LRIT2: variants seen among roughly 807,000 people sequenced by gnomAD.
LRIT2 encodes leucine rich repeat, Ig-like and transmembrane domains 2, also known as leucine-rich repeat, immunoglobulin-like domain and transmembrane domain-containing protein 2.
In LRIT2, 23 loss-of-function variants were observed where a neutral mutation model predicts 22.4. The observed-to-expected ratio is 1.03, with a 90% CI of 0.74 to 1.45. The LOEUF is 1.45. LRIT2 is among the 40% of genes most tolerant of loss of function. LRIT2 has a pLI of 0.00. For synonymous variants in LRIT2, 291 were observed against 267.1 expected, an observed-to-expected ratio of 1.09 and a Z score of -0.87; for missense variants, 784 against 665.6, an observed-to-expected ratio of 1.18 and a Z score of -1.96.
chr10:84,222,353 TC>T lies in LRIT2; in HGVS notation c.1219del (p.Glu407ArgfsTer29). 6.2e-7 allele frequency: 1 copy of T among 1,614,060 alleles called. No homozygotes were observed. The highest frequency in any genetic ancestry group is 8.5e-7 in the Non-Finnish European group (1 of 1,180,024). On this transcript the variant is annotated frameshift_variant, in exon 3 of 3. Coordinates refer to ENST00000372113, the MANE Select transcript of LRIT2 (RefSeq NM_001017924.5). LOFTEE classifies it low-confidence loss of function (END_TRUNC). ...GATTCCGGGGCCAATGTGAACCACC[TC>T]CTTCCTGAAGGCTTCATCCGATGCA... ...YIASDEAFRK[E>X]VVHIGPGINT...
upstream of LRIT2, chr10:84,225,586 T>TC: frequency 1.3e-6 from 2 of 1,546,720 alleles, no homozygotes; most frequent in Non-Finnish European, 1.7e-6. Context: ...GAGTGGCAAA[T>TC]CCTATTATTG....
rs1048003473 is a variant in LRIT2, at chr10:84,221,436, T to A, written c.*484A>T. ...CAGGCATTCAAGGAAACGATGGAAC[T>A]GGAACCTCTTTTGAATGGGGCTTCT... On this transcript the variant is annotated 3_prime_UTR_variant, in exon 3 of 3. Transcript: ENST00000372113. 2.6e-5 allele frequency: 4 copies of A among 152,516 alleles called. No homozygotes were observed. Among genetic ancestry groups the A allele is most frequent in the African/African-American group, 9.6e-5 (4 of 41,472 alleles). The allele number at this position is 152,516 out of a possible 1,614,324, so 9.4% of individuals were successfully genotyped here. A position where few individuals can be genotyped will look rare whatever the true frequency, so the allele number is the denominator to read the frequency against.
In LRIT2 at chr10:84,222,520, A is replaced by AT. The variant is rs1842521614; in HGVS notation, c.1052dup (p.His351GlnfsTer4). ...AGGGGATGGAAAGAGAATCAGGTGC[A>AT]TGTAGGGCCTGGGCAGGCTGGACAT... On this transcript the variant is annotated frameshift_variant, in exon 3 of 3. Transcript: ENST00000372113. LOFTEE classifies it low-confidence loss of function (END_TRUNC). 1 of 1,613,934 alleles carries AT rather than the reference A, an allele frequency of 6.2e-7. No individual in the cohort carries two copies.
At chr10:84,222,730 T>A (rs1842525010) in intron 2 of LRIT2, 50 bp from the exon 3 acceptor site, 2 of 1,604,496 alleles carry the variant, frequency 1.2e-6, no homozygotes, top group Non-Finnish European at 8.5e-7. Flanking sequence ...GATAGACTGC[T>A]GGAAAGTGTC....
At position 84,222,611 on chromosome 10, in the gene LRIT2, T is replaced by C. The variant is rs1253572394; in HGVS notation, c.962A>G (p.Asp321Gly). The stretch of plus-strand genomic sequence containing the variant: ...GGCCATGCAGGTGTAATTACCACTG[T>C]CTACCAGGTGGGCAGCAGGTATGGC... ...ELAIPAAHLVDSGNYTCMASN... is the reference protein window; with the variant it reads ...ELAIPAAHLVGSGNYTCMASN... The change falls in exon 3 of 3, where the codon GAC (aspartate) becomes GGC (glycine). Residue 321 changes from aspartate to glycine, a missense_variant. Asp to Gly is a moderately conservative substitution (Grantham distance 94, BLOSUM62 -1). Transcript: ENST00000372113. 3.7e-6 allele frequency: 6 copies of C among 1,613,932 alleles called. No homozygotes were observed. Among genetic ancestry groups the C allele is most frequent in the Non-Finnish European group, 4.2e-6 (5 of 1,179,998 alleles).
In LRIT2 at chr10:84,224,703, C is replaced by T. The variant is rs550705072; in HGVS notation, c.522G>A (p.Trp174Ter). The change falls in exon 2 of 3, where the codon TGG (tryptophan) becomes TGA (stop). Residue 174 changes from tryptophan to a stop codon, truncating the protein, a stop_gained. Transcript: ENST00000372113. LOFTEE classifies it high-confidence loss of function. Reference sequence around the variant, plus strand: ...GCTGCCGGCATTTCTGGTAGGCTGGCCAGTTCAGGAAGACACTCTTGGATA... The same window carrying T: ...GCTGCCGGCATTTCTGGTAGGCTGGTCAGTTCAGGAAGACACTCTTGGATA... ...TVVSKSVFLN[W>*]PAYQKCRQPD... 3 of 1,613,990 alleles carry T rather than the reference C, an allele frequency of 1.9e-6. No homozygotes were observed. Among genetic ancestry groups the T allele is most frequent in the South Asian group, 2.2e-5 (2 of 91,088 alleles).
rs144526163 is a variant in LRIT2 at position 84,221,929 on chromosome 10, G to T, written c.1644C>A (p.Asp548Glu). 6.0e-5 allele frequency: 92 copies of T among 1,524,252 alleles called. No homozygotes were observed. The highest frequency in any genetic ancestry group is 6.5e-5 in the Non-Finnish European group (74 of 1,134,790). The allele number at this position is 1,524,252 out of a possible 1,614,324, so 94.4% of individuals were successfully genotyped here. A position where few individuals can be genotyped will look rare whatever the true frequency, so the allele number is the denominator to read the frequency against. Residue 548 changes from aspartate (D) to glutamate (E), a missense_variant, in exon 3 of 3, where the codon GAC becomes GAA. Transcript: ENST00000372113. ...EGDKEKGGTE[D>E]NS is the part of the protein sequence containing the mutation. ...CCATGGCCTGGGTTGTTCAGCTGTTGTCTTCCGTTCCTCCTTTCTCCTTGT... is the reference window on the plus strand; with the variant it reads ...CCATGGCCTGGGTTGTTCAGCTGTTTTCTTCCGTTCCTCCTTTCTCCTTGT...
rs749648366 is a variant in LRIT2, at chr10:84,222,686, T to A, written c.893-6A>T. The A allele has an allele frequency of 1.2e-6, 2 of 1,612,392 alleles. No homozygotes were observed. Among genetic ancestry groups the A allele is most frequent in the Non-Finnish European group, 1.7e-6 (2 of 1,178,554 alleles). On this transcript the variant is annotated splice_polypyrimidine_tract_variant and splice_region_variant and intron_variant, in intron 2 of 2. Coordinates refer to ENST00000372113, the MANE Select transcript of LRIT2 (RefSeq NM_001017924.5). ...TCCAGTAGAAGATGTCAACACTGGG[T>A]GGAAAGAAAAACAAAACAGCTGTGC...
rs570987800 is a variant in LRIT2 at position 84,222,682 on chromosome 10, T to C, written c.893-2A>G. On this transcript the variant is annotated splice_acceptor_variant, in intron 2 of 2. Coordinates refer to ENST00000372113, the MANE Select transcript of LRIT2 (RefSeq NM_001017924.5). LOFTEE classifies it high-confidence loss of function. ...CTTCTCCAGTAGAAGATGTCAACAC[T>C]GGGTGGAAAGAAAAACAAAACAGCT... The C allele has an allele frequency of 1.2e-6, 2 of 1,612,556 alleles. No individual in the cohort carries two copies. Among genetic ancestry groups the C allele is most frequent in the African/African-American group, 1.3e-5 (1 of 74,996 alleles).
In LRIT2 at chr10:84,222,354, C is replaced by G. The variant is rs1842518091; in HGVS notation, c.1219G>C (p.Glu407Gln). Residue 407 changes from glutamate (E) to glutamine (Q), a missense_variant, in exon 3 of 3, where the codon GAG (glutamate) becomes CAG (glutamine). Coordinates refer to ENST00000372113, the MANE Select transcript of LRIT2 (RefSeq NM_001017924.5). ...ATTCCGGGGCCAATGTGAACCACCT[C>G]CTTCCTGAAGGCTTCATCCGATGCA... Reference protein sequence around the residue: ...YIASDEAFRKEVVHIGPGINT... With the variant: ...YIASDEAFRKQVVHIGPGINT... 1 of 1,614,080 alleles carries G rather than the reference C, an allele frequency of 6.2e-7. No homozygotes were observed. Among genetic ancestry groups the G allele is most frequent in the African/African-American group, 1.3e-5 (1 of 74,928 alleles).
In LRIT2 at chr10:84,222,468, G is replaced by T. The variant is rs140229962; in HGVS notation, c.1105C>A (p.Arg369=). Residue 369 remains arginine (R), a synonymous_variant, in exon 3 of 3, where the codon CGG becomes AGG. Transcript: ENST00000372113. ...PSEGNAYIDL[R]VVKQTVHGIL... is the part of the protein sequence containing the mutation. ...CCATGCACTGTCTGCTTGACAACCC[G>T]CAGGTCAATGTAGGCATTGCCCTCC... 7 of 1,614,022 alleles carry T rather than the reference G, an allele frequency of 4.3e-6. No individual in the cohort carries two copies. The highest frequency in any genetic ancestry group is 5.9e-6 in the Non-Finnish European group (7 of 1,180,036).
At position 84,224,750 on chromosome 10, in the gene LRIT2, A is replaced by T; in HGVS notation, c.475T>A (p.Ser159Thr). The change falls in exon 2 of 3, where the codon TCC (serine) becomes ACC (threonine). Residue 159 changes from serine to threonine, a missense_variant. Transcript: ENST00000372113. The stretch of plus-strand genomic sequence containing the variant: ...GATACAACTGTAAGCCTATTGGAGG[A>T]TAGGTCAAGGTAGGTCAGGCTGACC... The part of the protein sequence containing the change: ...FLVSLTYLDL[S>T]SNRLTVVSKS... 2 of 1,614,166 alleles carry T rather than the reference A, an allele frequency of 1.2e-6. No homozygotes were observed. The highest frequency in any genetic ancestry group is 1.7e-6 in the Non-Finnish European group (2 of 1,180,032).
Position 84,222,581 on chromosome 10 carries a change from T to G in LRIT2, c.992A>C (p.Asn331Thr), listed in dbSNP as rs753659091. The change falls in exon 3 of 3, where the codon AAC becomes ACC. Residue 331 changes from asparagine to threonine, a missense_variant. Asn to Thr is a moderately conservative substitution (Grantham distance 65). Transcript: ENST00000372113. Reference sequence around the variant, plus strand: ...TACAAGGTTGCTCTTGCCAATGGAGTTGGAGGCCATGCAGGTGTAATTACC... The same window carrying G: ...TACAAGGTTGCTCTTGCCAATGGAGGTGGAGGCCATGCAGGTGTAATTACC... ...DSGNYTCMASNSIGKSNLVIS... is the reference protein window; with the variant it reads ...DSGNYTCMASTSIGKSNLVIS... 1.9e-6 allele frequency: 3 copies of G among 1,613,910 alleles called. No individual in the cohort carries two copies. The African/African-American group carries it at 4.0e-5, about 22-fold the overall frequency.
chr10:84,223,825 G>C (rs1240237958), intron 2 of LRIT2, among the ~76,000 whole-genome samples: 1 of 152,148 alleles, frequency 6.6e-6, no homozygotes, highest in Non-Finnish European at 1.5e-5. Context: ...CTTTCCCTGG[G>C]TCCCAGTATT....
At chr10:84,222,887 T>C in intron 2 of LRIT2, 2 of 711,938 alleles carry the variant, frequency 2.8e-6, no homozygotes, top group Non-Finnish European at 2.5e-6. Context: ...TCTTTACACA[T>C]AGGATATTGA....
chr10:84,222,744 C>T, intron 2 of LRIT2, 64 bp from the exon 3 acceptor site: 1 of 1,580,108 alleles, frequency 6.3e-7, no homozygotes, highest in East Asian at 2.3e-5. Flanking sequence ...AAGTGTCTAG[C>T]AATGCCAGTT....
chr10:84,224,059 A>G lies in LRIT2; in HGVS notation c.892+274T>C, dbSNP rs183622857. Among the ~76,000 whole-genome samples the G allele has an allele frequency of 5.7e-3, 865 of 152,368 alleles. 5 individuals carry two copies. The highest frequency in any genetic ancestry group is 0.01 in the Admixed American group (154 of 15,310). On this transcript the variant is annotated intron_variant, in intron 2 of 2. Transcript: ENST00000372113. ...TCATATAAAATTTTATAATATTTGC[A>G]TAAGATATTAAATTAGCCCTGAAAT...
Position 84,224,302 on chromosome 10 carries a change from CAG to C in LRIT2, c.892+29_892+30del, listed in dbSNP as rs2132854478. The stretch of plus-strand genomic sequence containing the variant: ...TTGCTACAGACCTCTCCATTCCCTC[CAG>C]ATACACTGAGAGGGTGCATGTGGCT... On this transcript the variant is annotated intron_variant, in intron 2 of 2. Coordinates refer to ENST00000372113, the MANE Select transcript of LRIT2 (RefSeq NM_001017924.5). 3.2e-6 allele frequency: 5 copies of C among 1,582,708 alleles called. No individual in the cohort carries two copies. The South Asian group carries it at 5.8e-5, about 19-fold the overall frequency.
At chr10:84,225,575 C>T (rs7898778), upstream of LRIT2, 411,693 of 1,567,800 alleles carry the variant, frequency 0.26, 63,078 homozygotes, top group African/African-American at 0.69. Flanking sequence ...CCCCAGCTTC[C>T]GAGTGGCAAA....
Sources: allele counts gnomAD v4.1 joint callset (sites outside exome capture counted in the v4.1 genomes callset), GRCh38; gene constraint gnomAD v4.1.1; transcripts MANE v1.5; gene names NCBI Gene and HGNC (gene_info 2026-07-23, HGNC 2026-07-21).